TAFA2: variants seen among roughly 807,000 people sequenced by gnomAD.
TAFA2 encodes the protein TAFA chemokine like family member 2, also known as chemokine-like protein TAFA-2.
In TAFA2, 7 loss-of-function variants were observed where a neutral mutation model predicts 18.8. The observed-to-expected ratio is 0.37, with a 90% confidence interval of 0.21 to 0.70. The LOEUF is 0.70. Ranked by LOEUF, TAFA2 falls within the 30% of genes least tolerant of loss-of-function variation. The pLI is 0.53. For synonymous variants in TAFA2, 60 were observed against 54.2 expected (o/e 1.11, Z -0.47); for missense variants, 122 against 158.1 (o/e 0.77, Z 1.23).
chr12:62,115,355 T>C (rs776062255), intron 1 of TAFA2, among the ~76,000 whole-genome samples: 7 of 152,160 alleles, frequency 4.6e-5, no homozygotes, highest in Non-Finnish European at 1.0e-4. Flanking sequence ...ATTTTTTTTC[T>C]ATTTATGACA....
intron 2 of TAFA2, among the ~76,000 whole-genome samples, chr12:61,844,232 T>G (rs146957508): frequency 3.5e-4 from 54 of 152,172 alleles, no homozygotes; most frequent in African/African-American, 1.3e-3. Context: ...GCTTAAGACT[T>G]TGACATTAAG....
intron 2 of TAFA2, among the ~76,000 whole-genome samples, chr12:61,798,093 A>G (rs1871260467): frequency 6.6e-6 from 1 of 152,196 alleles, no homozygotes; most frequent in Admixed American, 6.5e-5. Context: ...CTAAATTATA[A>G]TGAAACAGAA....
At chr12:62,201,161 G>T (rs2062669194) in intron 1 of TAFA2, among the ~76,000 whole-genome samples, 1 of 152,130 alleles carries the variant, frequency 6.6e-6, no homozygotes, top group Non-Finnish European at 1.5e-5. Flanking sequence ...GGGTTTTCTA[G>T]ATATAGGATC....
At chr12:62,128,364 G>A (rs894786019) in intron 1 of TAFA2, among the ~76,000 whole-genome samples, 7 of 151,958 alleles carry the variant, frequency 4.6e-5, no homozygotes, top group Non-Finnish European at 7.4e-5. Context: ...CATTTCCTTG[G>A]AAACTCAGAG....
At chr12:61,755,790 A>G (rs1869236550) in intron 2 of TAFA2, among the ~76,000 whole-genome samples, 1 of 152,070 alleles carries the variant, frequency 6.6e-6, no homozygotes, top group Non-Finnish European at 1.5e-5. Flanking sequence ...ATTAATGAAA[A>G]TTTTGGACCT....
At chr12:62,092,597 C>T (rs951300753) in intron 1 of TAFA2, among the ~76,000 whole-genome samples, 1 of 151,990 alleles carries the variant, frequency 6.6e-6, no homozygotes, top group East Asian at 1.9e-4. Context: ...TCCTTCTTAG[C>T]CTCCTTTACT....
chr12:62,248,389 G>C (rs552648965), intron 1 of TAFA2, among the ~76,000 whole-genome samples: 4 of 152,360 alleles, frequency 2.6e-5, no homozygotes, highest in Admixed American at 2.6e-4. Flanking sequence ...CAACGCATGT[G>C]TTAAGGGACA....
intron 2 of TAFA2, among the ~76,000 whole-genome samples, chr12:61,787,244 G>A (rs568039891): frequency 1.3e-5 from 2 of 151,586 alleles, no homozygotes; most frequent in East Asian, 3.9e-4. Flanking sequence ...AGAGAATAAT[G>A]CCCTTCCCTG....
intron 1 of TAFA2, among the ~76,000 whole-genome samples, chr12:62,159,541 G>T (rs922649503): frequency 1.3e-5 from 2 of 152,128 alleles, no homozygotes; most frequent in Non-Finnish European, 2.9e-5. Flanking sequence ...CTAAATAAAT[G>T]CTTGCATTTT....
At chr12:61,738,594 C>T (rs1433396171) in intron 4 of TAFA2, among the ~76,000 whole-genome samples, 5 of 152,040 alleles carry the variant, frequency 3.3e-5, no homozygotes. Context: ...CATTTCTGCT[C>T]TTGCAGCATA....
At chr12:62,120,248 G>T (rs1000519725) in intron 1 of TAFA2, among the ~76,000 whole-genome samples, 21 of 152,106 alleles carry the variant, frequency 1.4e-4, no homozygotes, top group Admixed American at 1.4e-3. Flanking sequence ...TTCCACAACT[G>T]ATATACCCAC....
At chr12:61,840,245 T>C (rs976858428) in intron 2 of TAFA2, among the ~76,000 whole-genome samples, 18 of 152,098 alleles carry the variant, frequency 1.2e-4, no homozygotes, top group Admixed American at 1.0e-3. Context: ...TCTGACTTAA[T>C]ATGCTTCAAG....
chr12:62,046,387 A>G (rs1881909679), intron 1 of TAFA2, among the ~76,000 whole-genome samples: 1 of 152,110 alleles, frequency 6.6e-6, no homozygotes, highest in Admixed American at 6.6e-5. Context: ...TCAACCGACT[A>G]TACAAAAAGA....
At chr12:61,736,568 CT>C (rs1868307609) in intron 4 of TAFA2, among the ~76,000 whole-genome samples, 1 of 151,976 alleles carries the variant, frequency 6.6e-6, no homozygotes, top group African/African-American at 2.4e-5. Context: ...TCATCTAATA[CT>C]TAAAATAGAC....
intron 1 of TAFA2, among the ~76,000 whole-genome samples, chr12:62,185,036 T>C (rs2062576691): frequency 6.6e-6 from 1 of 152,072 alleles, no homozygotes; most frequent in Admixed American, 6.5e-5. Flanking sequence ...ACTCAACAAA[T>C]GATGGAAGGA....
intron 1 of TAFA2, among the ~76,000 whole-genome samples, chr12:62,105,767 G>A (rs78561312): frequency 0.054 from 8,233 of 152,214 alleles, 330 homozygotes; most frequent in Non-Finnish European, 0.083. Context: ...CATTAAGAGG[G>A]ATGTGTAATA....
At chr12:61,741,849 T>C (rs1359864166) in intron 4 of TAFA2, among the ~76,000 whole-genome samples, 1 of 152,146 alleles carries the variant, frequency 6.6e-6, no homozygotes, top group Non-Finnish European at 1.5e-5. Flanking sequence ...AATGAATGAA[T>C]GAACAGACAA....
chr12:61,862,301 C>T (rs563368213), intron 2 of TAFA2, among the ~76,000 whole-genome samples: 26 of 152,294 alleles, frequency 1.7e-4, no homozygotes, highest in African/African-American at 5.1e-4. Flanking sequence ...CCAAAATGCC[C>T]AGCTCAATAT....
rs372113384 is a variant in TAFA2, at chr12:62,229,847, T to TTTGTTG, written c.-130+28910_-130+28915dup. Among the ~76,000 whole-genome samples, 153 of 151,596 alleles carry TTTGTTG rather than the reference T, an allele frequency of 1.0e-3. 2 individuals are homozygous for TTTGTTG. The highest frequency in any genetic ancestry group is 6.8e-3 in the Middle Eastern group (2 of 292). On this transcript the variant is annotated intron_variant, in intron 1 of 5. Coordinates refer to the TAFA2 transcript ENST00000551619. The stretch of plus-strand genomic sequence containing the variant: ...AAGTGAAGTCATCGTGTCCTGGATT[T>TTTGTTG]TTGTTGTTGTTGTTGTTGTTGTTGT...
Sources: allele counts gnomAD v4.1 joint callset (sites outside exome capture counted in the v4.1 genomes callset), GRCh38; gene constraint gnomAD v4.1.1; transcripts MANE v1.5; gene names NCBI Gene and HGNC (gene_info 2026-07-23, HGNC 2026-07-21).